Variants in PAK4 observed in about 807,000 individuals in gnomAD.
PAK4 encodes p21 (RAC1) activated kinase 4.
In PAK4, 49 loss-of-function variants were observed where a neutral mutation model predicts 53.5. That is an observed-to-expected ratio of 0.92 (90% CI 0.73 to 1.16). The LOEUF (loss-of-function observed/expected upper bound fraction) is 1.16, where lower values mean the gene tolerates loss of function less well. PAK4 is among the 50% of genes most tolerant of loss of function. The pLI, the probability that PAK4 is intolerant of heterozygous loss-of-function variation, is 0.00. For missense variants in PAK4, 824 were observed against 850.7 expected (o/e 0.97, Z 0.39); for synonymous variants, 376 against 375.6 (o/e 1.00, Z -0.01).
intron 1 of PAK4, among the ~76,000 whole-genome samples, chr19:39,132,435 CA>C (rs1486236162): frequency 1.3e-5 from 2 of 152,226 alleles, no homozygotes. Flanking sequence ...TGTTTTTACT[CA>C]AATGGAGCGG....
chr19:39,173,684 A>G lies in PAK4; in HGVS notation c.772A>G (p.Ser258Gly). The change falls in exon 4 of 9, where the codon AGC becomes GGC. Residue 258 changes from serine (S) to glycine (G), a missense_variant. This residue lies in a region of PAK4 where 478 missense variants were observed against 435.8 expected (regional missense o/e 1.10). Coordinates refer to ENST00000358301, the Ensembl canonical transcript of PAK4. This position sits in a 1 kb window ranked among gnomAD's most constrained non-coding sequence, Gnocchi z 6.9. ...TCCCACCCGAGCCCGAGGTGCCCCC[A>G]GCCCTGGAGTGCTGGGACCCCACGC... The G allele has an allele frequency of 6.3e-7, 1 of 1,574,936 alleles. No homozygotes were observed. Among genetic ancestry groups the G allele is most frequent in the South Asian group, 1.1e-5 (1 of 87,514 alleles).
Position 39,178,577 on chromosome 19 carries a change from T to C in PAK4, c.1774T>C (p.Ter592ArgextTer19). 6.3e-7 allele frequency: 1 copy of C among 1,590,290 alleles called. No homozygotes were observed. The stretch of plus-strand genomic sequence containing the variant: ...CCTCATGCGCCAGAACCGCACCAGA[T>C]GAGGCCCAGCGCCCTTCCCCTCAAC... Residue 592 changes from the stop codon to arginine (R), a stop_lost, in exon 9 of 9, where the codon TGA becomes CGA. Coordinates refer to ENST00000358301, the Ensembl canonical transcript of PAK4. This position sits in a 1 kb window ranked among gnomAD's most constrained non-coding sequence, Gnocchi z 4.4.
At chr19:39,174,378 T>C (rs1352796282) in intron 4 of PAK4, among the ~76,000 whole-genome samples, 3 of 151,382 alleles carry the variant, frequency 2.0e-5, no homozygotes, top group Non-Finnish European at 4.4e-5. Context: ...CACTCCTGGG[T>C]GTCCCTCGGC....
chr19:39,127,361 C>T (rs895997845), intron 1 of PAK4, among the ~76,000 whole-genome samples: 1 of 152,176 alleles, frequency 6.6e-6, no homozygotes, highest in East Asian at 1.9e-4. Context: ...GCTGGGAATC[C>T]TTTCCCCACC....
intron 1 of PAK4, among the ~76,000 whole-genome samples, chr19:39,165,971 T>G (rs573519615): frequency 1.8e-4 from 28 of 152,290 alleles, no homozygotes; most frequent in African/African-American, 6.7e-4. Context: ...CAGGATCATA[T>G]GTGGGACTCC....
chr19:39,176,296 G>A (rs1403486192), intron 6 of PAK4, among the ~76,000 whole-genome samples: 1 of 152,162 alleles, frequency 6.6e-6, no homozygotes, highest in Non-Finnish European at 1.5e-5. Context: ...TCCCAGCTCC[G>A]GCCCTGCCTT....
chr19:39,135,941 T>C (rs905068989), intron 1 of PAK4, among the ~76,000 whole-genome samples: 1 of 151,420 alleles, frequency 6.6e-6, no homozygotes, highest in African/African-American at 2.4e-5. Flanking sequence ...CCTGTCACTC[T>C]ACATGACAAT....
At chr19:39,156,225 GA>G (rs1469219463) in intron 1 of PAK4, among the ~76,000 whole-genome samples, 2 of 152,124 alleles carry the variant, frequency 1.3e-5, no homozygotes, top group Admixed American at 1.3e-4. Context: ...GGTCGGGGTG[GA>G]GGAGAAGCAA....
intron 1 of PAK4, among the ~76,000 whole-genome samples, chr19:39,147,841 G>GTTTTTTTTTTTTTTTTT (rs35845376): frequency 7.6e-5 from 1 of 13,240 alleles, no homozygotes; most frequent in Non-Finnish European, 1.5e-4. Flanking sequence ...TTGTTTTCGG[G>GTTTTTTTTTTTTTTTTT]TTTTTTTTTT....
At chr19:39,158,144 T>C (rs868540994) in intron 1 of PAK4, among the ~76,000 whole-genome samples, 6 of 151,756 alleles carry the variant, frequency 4.0e-5, no homozygotes, top group South Asian at 2.1e-4. Flanking sequence ...TGTGTGAGCG[T>C]GCGTGTGTGC....
In PAK4 at chr19:39,178,744, T is replaced by C. The variant is rs1032731833; in HGVS notation, c.*165T>C. 1.9e-5 allele frequency: 11 copies of C among 574,638 alleles called. No homozygotes were observed. The highest frequency in any genetic ancestry group is 8.2e-5 in the South Asian group (3 of 36,740). The allele number at this position is 574,638 out of a possible 1,614,324, so 35.6% of individuals were successfully genotyped here. A position where few individuals can be genotyped will look rare whatever the true frequency, so the allele number is the denominator to read the frequency against. On this transcript the variant is annotated 3_prime_UTR_variant, in exon 9 of 9. Coordinates refer to ENST00000358301, the Ensembl canonical transcript of PAK4. The surrounding 1 kb of genome is among the most constrained non-coding windows in gnomAD (Gnocchi z 4.4). ...GAGACCCTACTACTGAACTCCAGTT[T>C]TGATCTCGTGACTTTTAGAAAAACA...
chr19:39,152,780 TC>T (rs5828031), intron 1 of PAK4, among the ~76,000 whole-genome samples: 93,360 of 151,908 alleles, frequency 0.61, 28,938 homozygotes, highest in East Asian at 0.82. Flanking sequence ...GTTTCAGGCA[TC>T]CCATTGGGGG....
intron 1 of PAK4, among the ~76,000 whole-genome samples, chr19:39,140,023 A>G (rs1467059519): frequency 6.6e-6 from 1 of 152,134 alleles, no homozygotes; most frequent in Non-Finnish European, 1.5e-5. Flanking sequence ...AAGGCAACTG[A>G]GGCCCAGAGA....
chr19:39,159,615 T>C (rs2074250923), intron 1 of PAK4, among the ~76,000 whole-genome samples: 1 of 152,204 alleles, frequency 6.6e-6, no homozygotes, highest in Non-Finnish European at 1.5e-5. Context: ...CTCGAACTCC[T>C]GACATCAGGT....
chr19:39,162,368 G>A lies in PAK4; in HGVS notation c.-22-7164G>A, dbSNP rs565899407. Among the ~76,000 whole-genome samples the A allele has an allele frequency of 1.5e-4, 23 of 152,198 alleles. No homozygotes were observed. The East Asian group carries it at 3.9e-3, about 26-fold the overall frequency. ...CCTCCCAGGCTCGGGTGATTCTCCC[G>A]CCTCAGCCTCCTCAGTAGCTGGGAC... On this transcript the variant is annotated intron_variant, in intron 1 of 8. Transcript: ENST00000358301.
intron 1 of PAK4, among the ~76,000 whole-genome samples, chr19:39,167,278 A>G (rs1023110308): frequency 6.6e-6 from 1 of 152,190 alleles, no homozygotes; most frequent in African/African-American, 2.4e-5. Flanking sequence ...TGGGCTGGGC[A>G]TGGGGCCAAA....
chr19:39,142,660 A>C (rs558317628), intron 1 of PAK4, among the ~76,000 whole-genome samples: 1 of 152,268 alleles, frequency 6.6e-6, no homozygotes, highest in African/African-American at 2.4e-5. Flanking sequence ...TGCTAGGGCC[A>C]CAGGCTTCCA....
At chr19:39,177,229 G>A (rs935583488) in intron 7 of PAK4, among the ~76,000 whole-genome samples, 1 of 152,208 alleles carries the variant, frequency 6.6e-6, no homozygotes, top group Admixed American at 6.5e-5. Context: ...AGCAGAGCTG[G>A]TCCCGGCAGC....
At chr19:39,162,028 TGGC>T (rs1196849672) in intron 1 of PAK4, among the ~76,000 whole-genome samples, 1 of 152,102 alleles carries the variant, frequency 6.6e-6, no homozygotes, top group African/African-American at 2.4e-5. Flanking sequence ...GGTGCGATCT[TGGC>T]TCGCTGCAAC....
Sources: allele counts gnomAD v4.1 joint callset (sites outside exome capture counted in the v4.1 genomes callset), GRCh38; gene constraint gnomAD v4.1.1; regional missense constraint gnomAD v4.1.1; non-coding constraint Gnocchi (gnomAD v3.1); transcripts MANE v1.5; gene names NCBI Gene and HGNC (gene_info 2026-07-23, HGNC 2026-07-21).